Variants in CLINT1 observed in about 807,000 individuals in gnomAD.
CLINT1 encodes the protein clathrin interacting protein localized in the trans-Golgi region.
In CLINT1, 15 loss-of-function variants were observed where a neutral mutation model predicts 70.4. The ratio of observed to expected loss-of-function variants is 0.21; its 90% CI spans 0.14 to 0.33. The LOEUF (loss-of-function observed/expected upper bound fraction) is 0.33, where lower values mean the gene tolerates loss of function less well. Ranked by LOEUF, CLINT1 falls within the 10% of genes least tolerant of loss-of-function variation. The pLI is 1.00. For synonymous variants in CLINT1, 227 were observed against 254.7 expected, an observed-to-expected ratio of 0.89 and a Z score of 1.04; for missense variants, 615 against 778.1, an observed-to-expected ratio of 0.79 and a Z score of 2.49.
intron 1 of CLINT1, among the ~76,000 whole-genome samples, chr5:157,851,122 T>C (rs1436665729): frequency 6.6e-6 from 1 of 150,644 alleles, no homozygotes; most frequent in African/African-American, 2.5e-5. Flanking sequence ...TTACTAAAAA[T>C]GCATGAAAAC....
intron 1 of CLINT1, among the ~76,000 whole-genome samples, chr5:157,843,959 A>C (rs747086333): frequency 1.3e-4 from 20 of 152,176 alleles, no homozygotes; most frequent in Non-Finnish European, 2.6e-4. Context: ...GATGCTAATC[A>C]AAAGTATATA....
chr5:157,826,883 AAT>A (rs1367516784), intron 1 of CLINT1, among the ~76,000 whole-genome samples: 3 of 152,116 alleles, frequency 2.0e-5, no homozygotes, highest in Non-Finnish European at 4.4e-5. Flanking sequence ...CAGTATTATA[AAT>A]AGTCTTTATC....
chr5:157,821,596 T>C (rs1274800088), intron 1 of CLINT1, among the ~76,000 whole-genome samples: 1 of 152,200 alleles, frequency 6.6e-6, no homozygotes, highest in Non-Finnish European at 1.5e-5. Flanking sequence ...CTAGGCTTAC[T>C]CAACATATTA....
At position 157,789,478 on chromosome 5, in the gene CLINT1, G is replaced by C. The variant is rs559799646; in HGVS notation, c.1416C>G (p.Thr472=). The C allele has an allele frequency of 6.2e-7, 1 of 1,613,784 alleles. No individual in the cohort carries two copies. The highest frequency in any genetic ancestry group is 8.5e-7 in the Non-Finnish European group (1 of 1,179,842). The change falls in exon 11 of 12, where the codon ACC becomes ACG. Residue 472 remains threonine, a synonymous_variant. Transcript: ENST00000411809. ...TGGGGTCAGACCAAGTAGAGGGCAA[G>C]GTTTTGCTGACTGATTTCTGGACCA... ...TDMVQKSVSK[T]LPSTWSDPSV...
chr5:157,853,777 CAAAAAAA>C (rs11316474), intron 1 of CLINT1, among the ~76,000 whole-genome samples: 264 of 48,070 alleles, frequency 5.5e-3, no homozygotes, highest in African/African-American at 0.017. Context: ...GACACCATCT[CAAAAAAA>C]AAAAAAAAAA....
At chr5:157,818,640 C>T (rs1187355882) in intron 1 of CLINT1, among the ~76,000 whole-genome samples, 7 of 151,944 alleles carry the variant, frequency 4.6e-5, no homozygotes, top group Non-Finnish European at 1.0e-4. Flanking sequence ...TACAGCAAGA[C>T]CCTGTCTCCA....
At chr5:157,843,105 A>G (rs1308838521) in intron 1 of CLINT1, among the ~76,000 whole-genome samples, 1 of 152,138 alleles carries the variant, frequency 6.6e-6, no homozygotes, top group Non-Finnish European at 1.5e-5. Flanking sequence ...CACAGGTATG[A>G]TAAGATAGCC....
At chr5:157,820,838 T>C (rs1762860637) in intron 1 of CLINT1, among the ~76,000 whole-genome samples, 1 of 152,200 alleles carries the variant, frequency 6.6e-6, no homozygotes, top group Admixed American at 6.5e-5. Context: ...TCACAGACGC[T>C]AGAGGGGGCA....
intron 1 of CLINT1, among the ~76,000 whole-genome samples, chr5:157,837,025 AC>A (rs1763445019): frequency 6.6e-6 from 1 of 152,200 alleles, no homozygotes; most frequent in Admixed American, 6.5e-5. Flanking sequence ...GCTTCCTGTT[AC>A]TTCTGGTTAT....
At chr5:157,812,204 C>T (rs1489114504) in intron 5 of CLINT1, among the ~76,000 whole-genome samples, 2 of 151,972 alleles carry the variant, frequency 1.3e-5, no homozygotes, top group East Asian at 3.9e-4. Context: ...TTACATGGTT[C>T]CATTGAAGGA....
intron 5 of CLINT1, among the ~76,000 whole-genome samples, chr5:157,812,189 G>T (rs1017837922): frequency 6.6e-6 from 1 of 152,102 alleles, no homozygotes; most frequent in Admixed American, 6.6e-5. Flanking sequence ...TATATGTTAA[G>T]ATTTTTACAT....
At chr5:157,831,693 C>CT (rs35629225) in intron 1 of CLINT1, among the ~76,000 whole-genome samples, 21,728 of 123,874 alleles carry the variant, frequency 0.18, 2,082 homozygotes, top group South Asian at 0.21. Context: ...TGAAAATATC[C>CT]TTTTTTTTTT....
intron 1 of CLINT1, among the ~76,000 whole-genome samples, chr5:157,845,057 A>G (rs901032329): frequency 1.3e-5 from 2 of 152,228 alleles, no homozygotes; most frequent in African/African-American, 4.8e-5. Context: ...TCAGAATCTT[A>G]AGTACTGTAG....
At position 157,824,517 on chromosome 5, in the gene CLINT1, T is replaced by A. The variant is rs1038413108; in HGVS notation, c.42-6970A>T. ...CAGAAAAAAAAGTCTCTCACTGATC[T>A]GCAAATGAAAATGAAATACAATGCA... On this transcript the variant is annotated intron_variant, in intron 1 of 11. Transcript: ENST00000411809. Among the ~76,000 whole-genome samples the A allele has an allele frequency of 3.9e-5, 6 of 152,252 alleles. No homozygotes were observed. In the East Asian group the frequency reaches 1.2e-3, roughly 29 times the overall value.
chr5:157,787,543 T>G lies in CLINT1; in HGVS notation c.*103A>C. ...GGTTCTTTATGTAGATTTATTTTAA[T>G]TACTTGATAAAAGAAAGGGTAGTTG... is the stretch of plus-strand genomic sequence containing the variant. On this transcript the variant is annotated 3_prime_UTR_variant, in exon 12 of 12. Coordinates refer to ENST00000411809, the MANE Select transcript of CLINT1 (RefSeq NM_014666.4). 1.0e-6 allele frequency: 1 copy of G among 957,020 alleles called. No homozygotes were observed. The highest frequency in any genetic ancestry group is 1.6e-5 in the South Asian group (1 of 62,630). 59.3% of individuals were successfully genotyped at this position (957,020 alleles called of 1,614,324 possible).
chr5:157,840,629 C>T (rs191005704), intron 1 of CLINT1, among the ~76,000 whole-genome samples: 5 of 149,004 alleles, frequency 3.4e-5, no homozygotes, highest in African/African-American at 1.2e-4. Flanking sequence ...TGGGGGAGGG[C>T]GAATGACAAG....
intron 1 of CLINT1, among the ~76,000 whole-genome samples, chr5:157,850,805 T>A (rs1173626230): frequency 6.6e-6 from 1 of 151,788 alleles, no homozygotes; most frequent in African/African-American, 2.4e-5. Flanking sequence ...TTAAAAAAAA[T>A]TTTTTTAGAG....
intron 2 of CLINT1, among the ~76,000 whole-genome samples, chr5:157,817,230 TGTGA>T (rs925852616): frequency 1.3e-5 from 2 of 152,114 alleles, no homozygotes; most frequent in African/African-American, 2.4e-5. Flanking sequence ...AAAGATACAC[TGTGA>T]GTTTCTTTTT....
intron 5 of CLINT1, among the ~76,000 whole-genome samples, chr5:157,811,919 A>G (rs1414503102): frequency 3.3e-5 from 5 of 152,226 alleles, no homozygotes; most frequent in African/African-American, 1.2e-4. Context: ...CCCAAATAGA[A>G]ACTTCAAAAC....
Sources: gnomAD v4.1 joint callset for allele counts (sites outside exome capture counted in the v4.1 genomes callset) on GRCh38, gnomAD v4.1.1 for gene constraint, MANE v1.5 for transcripts, NCBI Gene and HGNC (gene_info 2026-07-23, HGNC 2026-07-21) for gene names.